Variants in DOCK6 observed in about 807,000 individuals in gnomAD.
The protein encoded by DOCK6 is dedicator of cytokinesis protein 6.
Under a neutral mutation model 230.3 loss-of-function variants are expected in DOCK6, and 167 were observed. The ratio of observed to expected loss-of-function variants is 0.73; its 90% CI spans 0.64 to 0.82. The LOEUF (loss-of-function observed/expected upper bound fraction) is 0.82, where lower values mean the gene tolerates loss of function less well. Among genes scored for constraint, DOCK6 ranks in the 40% least tolerant of loss-of-function variants. DOCK6 has a pLI of 0.00. For missense variants in DOCK6, 2,598 were observed against 2,825.8 expected (o/e 0.92, Z 1.83); for synonymous variants, 1,148 against 1,185.0 (o/e 0.97, Z 0.64).
chr19:11,258,673 T>C (rs1323104564), intron 1 of DOCK6, among the ~76,000 whole-genome samples: 1 of 151,944 alleles, frequency 6.6e-6, no homozygotes, highest in East Asian at 1.9e-4. Context: ...CCTCAGGTGA[T>C]CCGCCCACCT....
At chr19:11,260,361 C>T (rs1235646574) in intron 1 of DOCK6, among the ~76,000 whole-genome samples, 1 of 152,072 alleles carries the variant, frequency 6.6e-6, no homozygotes, top group East Asian at 1.9e-4. Context: ...AGGAGGATCA[C>T]TTGAGCCCAG....
chr19:11,243,041 A>G lies in DOCK6; in HGVS notation c.1480+18T>C. The stretch of plus-strand genomic sequence containing the variant: ...TGAGTGAGAGTGATACTTCTTGTGT[A>G]TGGGGTGTGCCACGCACCAGTCACA... On this transcript the variant is annotated intron_variant, in intron 13 of 47. Coordinates refer to ENST00000294618, the MANE Select transcript of DOCK6 (RefSeq NM_020812.4). The surrounding 1 kb of genome is among the most constrained non-coding windows in gnomAD (Gnocchi z 6.3). The G allele has an allele frequency of 1.2e-6, 2 of 1,613,264 alleles. No homozygotes were observed. Among genetic ancestry groups the G allele is most frequent in the Non-Finnish European group, 8.5e-7 (1 of 1,179,672 alleles).
intron 35 of DOCK6, 111 bp from the exon 36 acceptor site, chr19:11,212,262 A>AT (rs2147745881): frequency 1.6e-6 from 2 of 1,246,104 alleles, no homozygotes; most frequent in South Asian, 3.0e-5. Flanking sequence ...TTTTTTTGAG[A>AT]TGGGGGTCTC....
chr19:11,224,782 C>T (rs1568236643), intron 24 of DOCK6, among the ~76,000 whole-genome samples: 3 of 152,082 alleles, frequency 2.0e-5, no homozygotes, highest in South Asian at 2.1e-4. Flanking sequence ...CCCTGCAACC[C>T]GGCCAGGCAT....
At chr19:11,252,720 G>A (rs950149669) in intron 3 of DOCK6, 63 bp downstream of exon 3, 7 of 1,596,058 alleles carry the variant, frequency 4.4e-6, no homozygotes, top group African/African-American at 2.7e-5. Flanking sequence ...AAGTCGGGCT[G>A]TTGATGGGGT....
chr19:11,213,889 C>T (rs1439541172), intron 34 of DOCK6, among the ~76,000 whole-genome samples: 5 of 151,514 alleles, frequency 3.3e-5, no homozygotes, highest in African/African-American at 4.9e-5. Context: ...CTTGACCTCC[C>T]GGGCTCAAGT....
At position 11,262,453 on chromosome 19, in the gene DOCK6, C is replaced by G. The variant is rs918615350; in HGVS notation, c.-13G>C. 2 of 1,146,976 alleles carry G rather than the reference C, an allele frequency of 1.7e-6. No homozygotes were observed. The highest frequency in any genetic ancestry group is 4.8e-5 in the Admixed American group (1 of 20,728). 71.0% of individuals were successfully genotyped at this position (1,146,976 alleles called of 1,614,324 possible). On this transcript the variant is annotated 5_prime_UTR_variant, in exon 1 of 48. Transcript: ENST00000294618. ...CGGAGGCAGCCATGGTCCTCGCGTC[C>G]CGCCGCCGCCGCCCCGGGCCCCGGC...
At position 11,202,855 on chromosome 19, in the gene DOCK6, A is replaced by G. The variant is rs2079194176; in HGVS notation, c.5236-146T>C. On this transcript the variant is annotated intron_variant, in intron 41 of 47. Transcript: ENST00000294618. This position sits in a 1 kb window ranked among gnomAD's most constrained non-coding sequence, Gnocchi z 5.3. Reference sequence around the variant, plus strand: ...TGGGCACAGGCAGGGGGCCCTGAGAACATTGGGGCATGGATTGCAATAGGA... The same window carrying G: ...TGGGCACAGGCAGGGGGCCCTGAGAGCATTGGGGCATGGATTGCAATAGGA... 2 of 1,309,624 alleles carry G rather than the reference A, an allele frequency of 1.5e-6. No individual in the cohort carries two copies. The highest frequency in any genetic ancestry group is 2.1e-6 in the Non-Finnish European group (2 of 931,404). 81.1% of individuals were successfully genotyped at this position (1,309,624 alleles called of 1,614,324 possible).
rs2147756486 is a variant in DOCK6, at chr19:11,214,563, A to T, written c.4193T>A (p.Ile1398Asn). 11 of 1,613,796 alleles carry T rather than the reference A, an allele frequency of 6.8e-6. No individual in the cohort carries two copies. The highest frequency in any genetic ancestry group is 8.5e-6 in the Non-Finnish European group (10 of 1,179,854). ...ASLVVLDTLE[I>N]IVQTVMLSEA... is the part of the protein sequence containing the mutation. ...TGGATCAAGCCCTACCTGCACGATG[A>T]TCTCCAGTGTGTCCAGAACCACTAG... Residue 1398 changes from isoleucine to asparagine, a missense_variant, in exon 33 of 48, where the codon ATC becomes AAC. Coordinates refer to ENST00000294618, the MANE Select transcript of DOCK6 (RefSeq NM_020812.4).
In DOCK6 at chr19:11,209,097, G is replaced by C; in HGVS notation, c.4758C>G (p.Ala1586=). 6.2e-7 allele frequency: 1 copy of C among 1,611,366 alleles called. No homozygotes were observed. Among genetic ancestry groups the C allele is most frequent in the Non-Finnish European group, 8.5e-7 (1 of 1,179,204 alleles). The change falls in exon 38 of 48, where the codon GCC becomes GCG. Residue 1586 remains alanine, a synonymous_variant. Transcript: ENST00000294618. ...EMLIDLMYRI[A]RGYQGSPDLR... is the part of the protein sequence containing the mutation. ...GGTCCGGTGAGCCCTGGTAGCCCCG[G>C]GCAATTCTGGAGTCCAGGTGAGGGG...
In DOCK6 at chr19:11,233,194, T is replaced by C. The variant is rs764257922; in HGVS notation, c.2718+9A>G. ...GAGGCTGGAGATTCCAGGGCCCCCG[T>C]TGCCCTACCTTGCTGGCCAGGATGC... On this transcript the variant is annotated intron_variant, in intron 22 of 47. Transcript: ENST00000294618. 4 of 1,611,600 alleles carry C rather than the reference T, an allele frequency of 2.5e-6. No homozygotes were observed. Among genetic ancestry groups the C allele is most frequent in the Non-Finnish European group, 3.4e-6 (4 of 1,178,992 alleles).
Position 11,216,995 on chromosome 19 carries a change from G to A in DOCK6, c.3813C>T (p.Arg1271=). ...LKNTEPALLQ[R]WATDLTLPQL... ...GGGGGAGTGTCAGGTCAGTGGCCCA[G>A]CGCTGCAGGAGCGCCGGCTCGGTGT... The change falls in exon 30 of 48, where the codon CGC becomes CGT. Residue 1271 remains arginine (R), a synonymous_variant. Transcript: ENST00000294618. The A allele has an allele frequency of 6.2e-7, 1 of 1,613,664 alleles. No individual in the cohort carries two copies. Among genetic ancestry groups the A allele is most frequent in the Non-Finnish European group, 8.5e-7 (1 of 1,179,890 alleles).
chr19:11,236,362 G>C lies in DOCK6; in HGVS notation c.2376C>G (p.Ile792Met), dbSNP rs370062443. ...KLVRLVIRPPIISGQIVNLGR... is the reference protein window; with the variant it reads ...KLVRLVIRPPMISGQIVNLGR... ...TTCGCTTACCAATCTGGCCACTGAT[G>C]ATCGGGGGCCTGATGACCAGACGCA... is the stretch of plus-strand genomic sequence containing the variant. Residue 792 changes from isoleucine to methionine, a missense_variant, in exon 20 of 48, where the codon ATC becomes ATG. Coordinates refer to ENST00000294618, the MANE Select transcript of DOCK6 (RefSeq NM_020812.4). This position sits in a 1 kb window ranked among gnomAD's most constrained non-coding sequence, Gnocchi z 5.2. The C allele has an allele frequency of 3.2e-6, 5 of 1,562,734 alleles. No individual in the cohort carries two copies. In the African/African-American group the frequency reaches 6.8e-5, roughly 21 times the overall value.
rs528432571 is a variant in DOCK6 at position 11,218,604 on chromosome 19, C to T, written c.3551-1213G>A. ...TTGGAACTGCAGGTGCGTGCTGCCACGCCCAGCTAATTTTTGTAGTTTTTG... is the reference window on the plus strand; with the variant it reads ...TTGGAACTGCAGGTGCGTGCTGCCATGCCCAGCTAATTTTTGTAGTTTTTG... On this transcript the variant is annotated intron_variant, in intron 28 of 47. Coordinates refer to ENST00000294618, the MANE Select transcript of DOCK6 (RefSeq NM_020812.4). 3.7e-4 allele frequency among the ~76,000 whole-genome samples: 56 copies of T among 151,410 alleles called. 1 individual carries two copies. Among genetic ancestry groups the T allele is most frequent in the Middle Eastern group, 6.8e-3 (2 of 294 alleles).
chr19:11,242,193 C>A lies in DOCK6; in HGVS notation c.1495G>T (p.Asp499Tyr). The A allele has an allele frequency of 6.8e-7, 1 of 1,460,862 alleles. No individual in the cohort carries two copies. The highest frequency in any genetic ancestry group is 9.0e-7 in the Non-Finnish European group (1 of 1,108,672). The allele number at this position is 1,460,862 out of a possible 1,614,324, so 90.5% of individuals were successfully genotyped here. A position where few individuals can be genotyped will look rare whatever the true frequency, so the allele number is the denominator to read the frequency against. Residue 499 changes from aspartate (D) to tyrosine (Y), a missense_variant, in exon 14 of 48, where the codon GAC becomes TAC. Asp to Tyr is a radical substitution (Grantham distance 160, BLOSUM62 -3). Transcript: ENST00000294618. ...GGATTTTCAGGAGCCGGAGAAATGTCGATCTTGAGCTGGGCTGGGAAGGGA... is the reference window on the plus strand; with the variant it reads ...GGATTTTCAGGAGCCGGAGAAATGTAGATCTTGAGCTGGGCTGGGAAGGGA... ...LRPVTAQLKI[D>Y]ISPAPENPHF...
Position 11,215,923 on chromosome 19 carries a change from T to C in DOCK6, c.3899A>G (p.Lys1300Arg), listed in dbSNP as rs2079478756. Residue 1300 changes from lysine (K) to arginine (R), a missense_variant, in exon 31 of 48, where the codon AAA (lysine) becomes AGA (arginine). Physicochemically the swap from Lys to Arg is conservative, Grantham distance 26. Transcript: ENST00000294618. ...GCTGTTGATGCGTTCAAAGGCCTTT[T>C]TCCCCTGGGGGTGCAGAGAACTGGG... ...LCLAAFEYKG[K>R]KAFERINSLT... The C allele has an allele frequency of 3.1e-6, 5 of 1,612,218 alleles. No homozygotes were observed. Among genetic ancestry groups the C allele is most frequent in the Non-Finnish European group, 3.4e-6 (4 of 1,178,866 alleles).
chr19:11,199,456 G>A lies in DOCK6; in HGVS notation c.*41C>T, dbSNP rs2079129958. ...CTCGCAGCACAGACAGCTGAGGCCC[G>A]GGTGCTGGTTCCTCTAGGTACAGCT... On this transcript the variant is annotated 3_prime_UTR_variant, in exon 48 of 48. Transcript: ENST00000294618. The A allele has an allele frequency of 7.1e-6, 11 of 1,559,532 alleles. No individual in the cohort carries two copies. The highest frequency in any genetic ancestry group is 4.8e-5 in the East Asian group (2 of 41,800).
At chr19:11,203,959 A>C in intron 41 of DOCK6, 122 bp downstream of exon 41, 2 of 1,331,096 alleles carry the variant, frequency 1.5e-6, no homozygotes, top group East Asian at 2.6e-5. Context: ...TTGTGGCCAC[A>C]GCCCCAGCCC....
Position 11,252,488 on chromosome 19 carries a change from T to G in DOCK6, c.371A>C (p.His124Pro). ...GCCCCTAAGTCAGACTCACCTTCTG[T>G]GGACAATGACCCAGTCCTCAATATA... ...EMYIEDWVIV[H>P]RRYQYLSAAY... The change falls in exon 4 of 48, where the codon CAC becomes CCC. Residue 124 changes from histidine (H) to proline (P), a missense_variant. Transcript: ENST00000294618. 2 of 1,613,882 alleles carry G rather than the reference T, an allele frequency of 1.2e-6. No homozygotes were observed. Among genetic ancestry groups the G allele is most frequent in the Non-Finnish European group, 8.5e-7 (1 of 1,179,886 alleles).
Sources: allele counts gnomAD v4.1 joint callset (sites outside exome capture counted in the v4.1 genomes callset), GRCh38; gene constraint gnomAD v4.1.1; non-coding constraint Gnocchi (gnomAD v3.1); transcripts MANE v1.5; gene names NCBI Gene and HGNC (gene_info 2026-07-23, HGNC 2026-07-21).